The following HDDC2 variants were observed in gnomAD, a reference collection of about 807,000 sequenced individuals.
HDDC2 encodes the protein 5'-deoxynucleotidase HDDC2.
A neutral mutation model predicts 25.5 loss-of-function variants in HDDC2; 25 were observed. That is an observed-to-expected ratio of 0.98 (90% CI 0.72 to 1.37). HDDC2 has a LOEUF of 1.37. Ranked by LOEUF, HDDC2 falls within the 40% of genes most tolerant of loss-of-function variation. HDDC2 has a pLI of 0.00. For synonymous variants in HDDC2, 106 were observed against 89.7 expected, an observed-to-expected ratio of 1.18 and a Z score of -1.03; for missense variants, 264 against 253.1, an observed-to-expected ratio of 1.04 and a Z score of -0.29.
chr6:125,300,123 G>C (rs1798772459), intron 2 of HDDC2, among the ~76,000 whole-genome samples: 1 of 152,202 alleles, frequency 6.6e-6, no homozygotes. Context: ...TCGATTAAAT[G>C]AAGGGGGAGA....
At chr6:125,292,609 G>A (rs1798647640) in intron 4 of HDDC2, among the ~76,000 whole-genome samples, 1 of 152,174 alleles carries the variant, frequency 6.6e-6, no homozygotes, top group African/African-American at 2.4e-5. Context: ...CTCAAGGGCT[G>A]AGTCAAGTGC....
chr6:125,294,364 T>C (rs993775295), intron 3 of HDDC2, among the ~76,000 whole-genome samples: 2 of 152,214 alleles, frequency 1.3e-5, no homozygotes, highest in Non-Finnish European at 2.9e-5. Context: ...TCCACTCTTA[T>C]AAATAACATC....
At chr6:125,293,686 C>G (rs916419847) in intron 3 of HDDC2, among the ~76,000 whole-genome samples, 3 of 152,170 alleles carry the variant, frequency 2.0e-5, no homozygotes, top group Non-Finnish European at 4.4e-5. Context: ...TCTACCACAC[C>G]TAACCCATCC....
At chr6:125,289,496 TA>T (rs1320427805) in intron 4 of HDDC2, among the ~76,000 whole-genome samples, 10 of 129,188 alleles carry the variant, frequency 7.7e-5, no homozygotes, top group African/African-American at 2.4e-4. Flanking sequence ...AAAAAAAAAT[TA>T]AAAAAAACAA....
At chr6:125,286,675 A>G (rs1798541441) in intron 4 of HDDC2, among the ~76,000 whole-genome samples, 1 of 152,194 alleles carries the variant, frequency 6.6e-6, no homozygotes, top group Admixed American at 6.5e-5. Flanking sequence ...GTCTTGGAAT[A>G]CCATTTTCTA....
chr6:125,285,162 C>T (rs189351431), intron 4 of HDDC2, among the ~76,000 whole-genome samples: 2,283 of 17,058 alleles, frequency 0.13, 77 homozygotes, highest in African/African-American at 0.32. Flanking sequence ...TGGGGCCTGT[C>T]GGGGGGTGGG....
chr6:125,294,625 TA>T (rs1398676361), intron 3 of HDDC2, among the ~76,000 whole-genome samples: 1 of 152,250 alleles, frequency 6.6e-6, no homozygotes, highest in Non-Finnish European at 1.5e-5. Context: ...AAATCATATG[TA>T]CATACAGGTA....
intron 4 of HDDC2, among the ~76,000 whole-genome samples, chr6:125,290,797 A>G (rs1798619266): frequency 6.6e-6 from 1 of 152,248 alleles, no homozygotes; most frequent in African/African-American, 2.4e-5. Context: ...AATGACATTT[A>G]TAAGATAGTA....
intron 4 of HDDC2, among the ~76,000 whole-genome samples, chr6:125,281,729 G>T (rs139744072): frequency 5.9e-5 from 9 of 152,076 alleles, no homozygotes; most frequent in African/African-American, 1.9e-4. Flanking sequence ...TTTGACTGGC[G>T]TACCAAAAAG....
intron 4 of HDDC2, chr6:125,279,083 C>T (rs1333527708): frequency 6.6e-6 from 1 of 152,180 alleles, no homozygotes; most frequent in South Asian, 2.1e-4. Flanking sequence ...TGCATGCCAT[C>T]AGCATGGGAG....
At chr6:125,296,963 T>C (rs1798713279) in intron 3 of HDDC2, among the ~76,000 whole-genome samples, 1 of 152,200 alleles carries the variant, frequency 6.6e-6, no homozygotes, top group Admixed American at 6.5e-5. Flanking sequence ...GAATCTCAAA[T>C]TCACTGTGTG....
chr6:125,276,076 T>C lies in HDDC2; in HGVS notation c.*70A>G, dbSNP rs1798364049. The C allele has an allele frequency of 1.6e-5, 19 of 1,163,732 alleles. No homozygotes were observed. In the Admixed American group the frequency reaches 2.6e-4, roughly 16 times the overall value. The allele number at this position is 1,163,732 out of a possible 1,614,324, so 72.1% of individuals were successfully genotyped here. ...TCTAGGGAAATCAACAGACCAACAA[T>C]GGCAAAACACAATACAATGAAATGG... On this transcript the variant is annotated 3_prime_UTR_variant, in exon 6 of 6. Coordinates refer to ENST00000398153, the MANE Select transcript of HDDC2 (RefSeq NM_016063.3).
At chr6:125,282,037 G>A (rs1482563214) in intron 4 of HDDC2, among the ~76,000 whole-genome samples, 1 of 152,076 alleles carries the variant, frequency 6.6e-6, no homozygotes, top group Non-Finnish European at 1.5e-5. Flanking sequence ...GAGAGTGGGG[G>A]CCAATACTCA....
At chr6:125,289,903 G>GCT (rs1798605652) in intron 4 of HDDC2, among the ~76,000 whole-genome samples, 1 of 152,312 alleles carries the variant, frequency 6.6e-6, no homozygotes, top group South Asian at 2.1e-4. Context: ...AATGCAGGTG[G>GCT]TGGAGAAGAC....
In HDDC2 at chr6:125,276,822, C is replaced by T. The variant is rs191367452; in HGVS notation, c.517+280G>A. On this transcript the variant is annotated intron_variant, in intron 5 of 5. Coordinates refer to ENST00000398153, the MANE Select transcript of HDDC2 (RefSeq NM_016063.3). ...GCTCTAAGCTATTGTATGTCCATGA[C>T]GGCTAGCATGGGGGACTGTTCAACC... 122 of 421,212 alleles carry T rather than the reference C, an allele frequency of 2.9e-4. 1 individual carries two copies. The highest frequency in any genetic ancestry group is 2.2e-3 in the African/African-American group (109 of 49,910). The allele number at this position is 421,212 out of a possible 1,614,324, so 26.1% of individuals were successfully genotyped here.
intron 3 of HDDC2, among the ~76,000 whole-genome samples, chr6:125,294,951 A>G (rs751694683): frequency 8.5e-5 from 13 of 152,244 alleles, no homozygotes; most frequent in Non-Finnish European, 1.9e-4. Context: ...CCTGAAACTG[A>G]ACTATGATTT....
chr6:125,296,556 T>C (rs780224656), intron 3 of HDDC2, among the ~76,000 whole-genome samples: 2 of 152,198 alleles, frequency 1.3e-5, no homozygotes, highest in Non-Finnish European at 2.9e-5. Context: ...TCTTCTCTCT[T>C]CCCAAATCCT....
intron 4 of HDDC2, 120 bp from the exon 5 acceptor site, chr6:125,277,360 C>G: frequency 1.1e-6 from 1 of 886,574 alleles, no homozygotes. Context: ...TGTATCGGCC[C>G]CATTTCTCTA....
intron 4 of HDDC2, among the ~76,000 whole-genome samples, chr6:125,287,826 C>G (rs963046680): frequency 6.6e-6 from 1 of 152,176 alleles, no homozygotes; most frequent in Admixed American, 6.5e-5. Flanking sequence ...ATGTCACAAC[C>G]GGAGGGATGA....
Sources: gnomAD v4.1 joint callset for allele counts (sites outside exome capture counted in the v4.1 genomes callset) on GRCh38, gnomAD v4.1.1 for gene constraint, MANE v1.5 for transcripts, NCBI Gene and HGNC (gene_info 2026-07-23, HGNC 2026-07-21) for gene names.